The following ABCG5 variants were observed in gnomAD, a reference collection of about 807,000 sequenced individuals.
ABCG5 encodes ATP binding cassette subfamily G member 5.
In ABCG5, 64 loss-of-function variants were observed where a neutral mutation model predicts 64.5. The observed-to-expected ratio is 0.99, with a 90% CI of 0.81 to 1.22. The LOEUF is 1.22. Among genes scored for constraint, ABCG5 ranks in the 50% most tolerant of loss-of-function variants. The probability of loss-of-function intolerance (pLI) is 0.00; values close to 1 mark genes in which losing one functional copy is unlikely to be tolerated. For synonymous variants in ABCG5, 385 were observed against 326.3 expected, an observed-to-expected ratio of 1.18 and a Z score of -1.94; for missense variants, 908 against 829.5, an observed-to-expected ratio of 1.09 and a Z score of -1.16.
Position 43,838,520 on chromosome 2 carries a change from C to A in ABCG5, c.143+17G>T. ...CGCACTCCTGGGGGAGCAGCAGCAG[C>A]AAGGGCTCTGCCTTACCTGACGCTG... On this transcript the variant is annotated intron_variant, in intron 1 of 12. Transcript: ENST00000405322. This position sits in a 1 kb window ranked among gnomAD's most constrained non-coding sequence, Gnocchi z 4.2. 2 of 1,590,020 alleles carry A rather than the reference C, an allele frequency of 1.3e-6. No homozygotes were observed. The highest frequency in any genetic ancestry group is 2.3e-5 in the South Asian group (2 of 87,586).
chr2:43,814,439 T>C, intron 12 of ABCG5, 38 bp downstream of exon 12: 1 of 1,357,424 alleles, frequency 7.4e-7, no homozygotes, highest in Non-Finnish European at 1.1e-6. Flanking sequence ...TTCCTCAGAG[T>C]AACATGCAAA....
At chr2:43,832,196 G>C in intron 2 of ABCG5, 113 bp from the exon 3 acceptor site, 1 of 1,435,006 alleles carries the variant, frequency 7.0e-7, no homozygotes, top group Admixed American at 2.0e-5. Context: ...GCTACATGAC[G>C]GACCCTGTTC....
rs1373625357 is a variant in ABCG5 at position 43,828,109 on chromosome 2, C to A, written c.508G>T (p.Ala170Ser). Residue 170 changes from alanine (A) to serine (S), a missense_variant, in exon 5 of 13, where the codon GCC (alanine) becomes TCC (serine). By Grantham distance (99) the Ala-to-Ser change is moderately conservative. Coordinates refer to ENST00000405322, the MANE Select transcript of ABCG5 (RefSeq NM_022436.3). ...CTCAGACTCAGCTCTGCCATGACGG[C>A]CTCCACCTGCAGGAGACACAAATTA... ...NPGSFQKKVE[A>S]VMAELSLSHV... 6.2e-7 allele frequency: 1 copy of A among 1,613,978 alleles called. No individual in the cohort carries two copies. The highest frequency in any genetic ancestry group is 8.5e-7 in the Non-Finnish European group (1 of 1,180,024).
chr2:43,837,597 T>TG (rs1668360253), intron 2 of ABCG5, among the ~76,000 whole-genome samples: 1 of 152,110 alleles, frequency 6.6e-6, no homozygotes, highest in African/African-American at 2.4e-5. Flanking sequence ...CATGGAACTG[T>TG]GGGGGCTTTT....
At chr2:43,831,324 C>T (rs1667933552) in intron 4 of ABCG5, among the ~76,000 whole-genome samples, 1 of 152,104 alleles carries the variant, frequency 6.6e-6, no homozygotes, top group African/African-American at 2.4e-5. Context: ...AGGCGCACAT[C>T]ACCACGTCCA....
At chr2:43,819,630 A>G (rs548105329) in intron 11 of ABCG5, among the ~76,000 whole-genome samples, 6 of 152,288 alleles carry the variant, frequency 3.9e-5, no homozygotes, top group East Asian at 1.9e-4. Flanking sequence ...TTCCTGGAAC[A>G]TCCGGGCTGG....
intron 11 of ABCG5, among the ~76,000 whole-genome samples, chr2:43,818,298 G>A (rs944539317): frequency 1.3e-5 from 2 of 152,058 alleles, no homozygotes; most frequent in Non-Finnish European, 2.9e-5. Context: ...ACAAAAATTA[G>A]CCGAGCATGG....
At chr2:43,824,506 C>T (rs2104818120) in intron 7 of ABCG5, 74 bp from the exon 8 acceptor site, 4 of 1,599,792 alleles carry the variant, frequency 2.5e-6, no homozygotes, top group Middle Eastern at 3.3e-4. Flanking sequence ...ACAATTGGTA[C>T]AGGAGTACTG....
Position 43,824,404 on chromosome 2 carries a change from G to A in ABCG5, c.933C>T (p.Ser311=), listed in dbSNP as rs774304589. 2.1e-5 allele frequency: 34 copies of A among 1,614,024 alleles called. No individual in the cohort carries two copies. In the South Asian group the frequency reaches 3.6e-4, roughly 17 times the overall value. ...TGGAGGTTTCTATTTCCCGTTCCTT[G>A]CTTTGGGTATCCACTGACGTCAGGT... ...YMDLTSVDTQ[S]KEREIETSKR... Residue 311 remains serine, a synonymous_variant, in exon 8 of 13, where the codon AGC becomes AGT. Transcript: ENST00000405322.
chr2:43,806,246 G>GT, the ABCG5 span, among the ~76,000 whole-genome samples: 1 of 152,156 alleles, frequency 6.6e-6, no homozygotes, highest in Non-Finnish European at 1.5e-5. Context: ...ATGAGACGTT[G>GT]TACAGAATCT....
chr2:43,831,628 G>T (rs142247315), intron 4 of ABCG5, 141 bp downstream of exon 4: 8 of 814,944 alleles, frequency 9.8e-6, no homozygotes, highest in African/African-American at 8.4e-5. Context: ...CAGGGTGCAC[G>T]GTGCAGGACG....
rs113184872 is a variant in ABCG5, at chr2:43,826,166, C to CTT, written c.774+214_774+215dup. 8.5e-4 allele frequency among the ~76,000 whole-genome samples: 120 copies of CTT among 141,976 alleles called. 2 individuals carry two copies. Among genetic ancestry groups the CTT allele is most frequent in the African/African-American group, 3.0e-3 (116 of 38,888 alleles). The allele number at this position is 141,976 out of a possible 152,430, so 93.1% of individuals were successfully genotyped here. A position where few individuals can be genotyped will look rare whatever the true frequency, so the allele number is the denominator to read the frequency against. On this transcript the variant is annotated intron_variant, in intron 6 of 12. Coordinates refer to ENST00000405322, the MANE Select transcript of ABCG5 (RefSeq NM_022436.3). ...AATTTTTCTTTTTCTTTCTTTCTTT[C>CTT]TTTTTTTTTTTTTTAGAGATGGGGA...
chr2:43,832,957 G>A (rs1239297767), intron 2 of ABCG5, among the ~76,000 whole-genome samples: 1 of 151,984 alleles, frequency 6.6e-6, no homozygotes, highest in Non-Finnish European at 1.5e-5. Context: ...TTACAGGCAT[G>A]CACCACTACA....
intron 2 of ABCG5, among the ~76,000 whole-genome samples, chr2:43,837,454 A>G (rs1668349085): frequency 1.3e-5 from 2 of 152,136 alleles, no homozygotes; most frequent in South Asian, 2.1e-4. Context: ...TCCAAAATAT[A>G]CCATCATAAA....
At chr2:43,831,094 G>T (rs75120431) in intron 4 of ABCG5, among the ~76,000 whole-genome samples, 2 of 152,168 alleles carry the variant, frequency 1.3e-5, no homozygotes, top group Admixed American at 1.3e-4. Context: ...AAAGAAACAG[G>T]TGAAATTAAT....
chr2:43,808,731 T>G (rs1186588122), downstream of ABCG5, among the ~76,000 whole-genome samples: 1 of 152,174 alleles, frequency 6.6e-6, no homozygotes, highest in Non-Finnish European at 1.5e-5. Context: ...CTGTGTGCTT[T>G]TTTCATGTGG....
chr2:43,808,735 C>T (rs948044801), downstream of ABCG5, among the ~76,000 whole-genome samples: 4 of 152,128 alleles, frequency 2.6e-5, no homozygotes, highest in Admixed American at 2.6e-4. Context: ...GTGCTTTTTT[C>T]ATGTGGCACA....
intron 2 of ABCG5, among the ~76,000 whole-genome samples, chr2:43,832,896 G>A (rs1439185154): frequency 1.3e-5 from 2 of 151,908 alleles, no homozygotes; most frequent in African/African-American, 2.4e-5. Context: ...TGCAACCTCC[G>A]CCTCTCAGGT....
Position 43,822,930 on chromosome 2 carries a change from C to T in ABCG5, c.1330G>A (p.Val444Met), listed in dbSNP as rs375313472. 2.4e-5 allele frequency: 38 copies of T among 1,613,746 alleles called. No homozygotes were observed. The highest frequency in any genetic ancestry group is 6.7e-5 in the East Asian group (3 of 44,852). Residue 444 changes from valine (V) to methionine (M), a missense_variant, in exon 10 of 13, where the codon GTG becomes ATG. Transcript: ENST00000405322. ...TCCTGGTCGCTGACAGCTCGCAGCACGGGAACTGGGGATGGAAGGCAGGTT... is the reference window on the plus strand; with the variant it reads ...TCCTGGTCGCTGACAGCTCGCAGCATGGGAACTGGGGATGGAAGGCAGGTT... The part of the protein sequence containing the change: ...GMLNAVNLFP[V>M]LRAVSDQESQ...
Sources: gnomAD v4.1 joint callset for allele counts (sites outside exome capture counted in the v4.1 genomes callset) on GRCh38, gnomAD v4.1.1 for gene constraint, Gnocchi (gnomAD v3.1) non-coding constraint, MANE v1.5 for transcripts, NCBI Gene and HGNC (gene_info 2026-07-23, HGNC 2026-07-21) for gene names.